Variants in MICAL3 observed in about 807,000 individuals in gnomAD.
MICAL3 encodes [F-actin]-monooxygenase MICAL3.
In MICAL3, 62 loss-of-function variants were observed where a neutral mutation model predicts 207.4. The ratio of observed to expected loss-of-function variants is 0.30; its 90% CI spans 0.24 to 0.37. The LOEUF is 0.37. Ranked by LOEUF, MICAL3 falls within the 10% of genes least tolerant of loss-of-function variation. The pLI is 1.00. For missense variants in MICAL3, 2,368 were observed against 2,635.6 expected (o/e 0.90, Z 2.22); for synonymous variants, 1,077 against 1,069.3 (o/e 1.01, Z -0.14).
At chr22:17,881,662 C>T (rs545735541) in intron 16 of MICAL3, among the ~76,000 whole-genome samples, 1 of 152,308 alleles carries the variant, frequency 6.6e-6, no homozygotes, top group South Asian at 2.1e-4. Context: ...CAGAGACCCC[C>T]TCTCAAGGGC....
chr22:17,861,872 T>C (rs1926550849), intron 19 of MICAL3: 1 of 985,372 alleles, frequency 1.0e-6, no homozygotes, highest in African/African-American at 1.7e-5. Context: ...GACAATACTT[T>C]AAAGCCGACC....
chr22:17,864,007 G>A (rs1043525161), intron 19 of MICAL3: 18 of 985,406 alleles, frequency 1.8e-5, no homozygotes, highest in Admixed American at 6.1e-5. Context: ...ACCCTGGGCC[G>A]TGAACCACCT....
chr22:17,852,662 G>C (rs1359439515), intron 19 of MICAL3, among the ~76,000 whole-genome samples: 1 of 152,206 alleles, frequency 6.6e-6, no homozygotes, highest in Non-Finnish European at 1.5e-5. Context: ...GAGGCTCCTG[G>C]GTCTAACCAG....
chr22:17,964,915 A>G (rs1429966437), intron 1 of MICAL3, among the ~76,000 whole-genome samples: 2 of 152,208 alleles, frequency 1.3e-5, no homozygotes, highest in African/African-American at 2.4e-5. Context: ...CCGTAAGCGC[A>G]CTGCTAAACT....
At chr22:17,997,437 T>A (rs1244093914) in intron 1 of MICAL3, among the ~76,000 whole-genome samples, 2 of 152,190 alleles carry the variant, frequency 1.3e-5, no homozygotes, top group Admixed American at 1.3e-4. Flanking sequence ...TTTTCTAAAG[T>A]AATGACCCCC....
At chr22:17,836,350 G>A (rs890816079) in intron 20 of MICAL3, among the ~76,000 whole-genome samples, 12 of 152,196 alleles carry the variant, frequency 7.9e-5, no homozygotes, top group East Asian at 1.9e-4. Context: ...ACGGGGCTGC[G>A]CTGCTTTTAT....
chr22:17,982,737 T>TAACATAACATA (rs1602344856), intron 1 of MICAL3, among the ~76,000 whole-genome samples: 2 of 103,534 alleles, frequency 1.9e-5, no homozygotes, highest in African/African-American at 4.3e-5. Context: ...AACATAAAAA[T>TAACATAACATA]AAAATAAAAT....
chr22:17,918,979 T>C (rs1262430133), intron 1 of MICAL3, among the ~76,000 whole-genome samples: 1 of 152,138 alleles, frequency 6.6e-6, no homozygotes, highest in East Asian at 1.9e-4. Context: ...TGGACTTCCC[T>C]GGTCACATCG....
At chr22:17,941,889 G>T (rs1218722662) in intron 1 of MICAL3, among the ~76,000 whole-genome samples, 1 of 152,142 alleles carries the variant, frequency 6.6e-6, no homozygotes, top group Admixed American at 6.5e-5. Flanking sequence ...GGGCCCAGGA[G>T]GGGGAAAGCA....
At chr22:17,827,617 C>A in intron 22 of MICAL3, 27 bp downstream of exon 22, 1 of 1,540,436 alleles carries the variant, frequency 6.5e-7, no homozygotes, top group South Asian at 1.2e-5. Flanking sequence ...TCGGGGCACA[C>A]TGCGGCCTGG....
chr22:17,873,163 G>A (rs1165181545), intron 16 of MICAL3, among the ~76,000 whole-genome samples: 5 of 152,252 alleles, frequency 3.3e-5, no homozygotes, highest in African/African-American at 1.2e-4. Context: ...GGTGGTAGAA[G>A]GCAGGGCGAA....
rs62238880 is a variant in MICAL3 at position 17,795,463 on chromosome 22, C to T, written c.5651-4162G>A. ...CAAAAGGAAGAGGCAGGCGCCTGCA[C>T]GGGTAATAATTACAACACGTGTTTC... is the stretch of plus-strand genomic sequence containing the variant. On this transcript the variant is annotated intron_variant, in intron 29 of 31. Transcript: ENST00000441493. Among the ~76,000 whole-genome samples, 348 of 152,274 alleles carry T rather than the reference C, an allele frequency of 2.3e-3. 1 individual carries two copies. Among genetic ancestry groups the T allele is most frequent in the Non-Finnish European group, 3.7e-3 (253 of 68,032 alleles).
At chr22:17,821,311 A>G (rs1441239918) in intron 25 of MICAL3, 116 bp downstream of exon 25, 2 of 812,246 alleles carry the variant, frequency 2.5e-6, no homozygotes, top group Non-Finnish European at 3.8e-6. Context: ...CCAGCAGGCT[A>G]TGTTAGCCCC....
intron 19 of MICAL3, among the ~76,000 whole-genome samples, chr22:17,846,213 A>C (rs1343997929): frequency 6.6e-6 from 1 of 152,152 alleles, no homozygotes; most frequent in Non-Finnish European, 1.5e-5. Flanking sequence ...GTCCACACAG[A>C]GCTCCAGCTC....
chr22:17,831,817 G>C, intron 21 of MICAL3, 37 bp downstream of exon 21: 1 of 1,539,914 alleles, frequency 6.5e-7, no homozygotes, highest in Non-Finnish European at 8.8e-7. Context: ...CACTTTGGGG[G>C]GCAGGGCAGA....
intron 27 of MICAL3, among the ~76,000 whole-genome samples, chr22:17,811,890 G>A (rs920557753): frequency 8.5e-5 from 13 of 152,136 alleles, no homozygotes; most frequent in African/African-American, 2.7e-4. Flanking sequence ...GACTATAGGC[G>A]TGTGCCACCT....
At chr22:17,848,833 T>C (rs1034684169) in intron 19 of MICAL3, among the ~76,000 whole-genome samples, 1 of 152,254 alleles carries the variant, frequency 6.6e-6, no homozygotes, top group African/African-American at 2.4e-5. Context: ...GCCATCAACT[T>C]GGGCTTTTCT....
intron 19 of MICAL3, 51 bp from the exon 20 acceptor site, chr22:17,842,068 C>T (rs1015398043): frequency 1.6e-5 from 24 of 1,531,386 alleles, no homozygotes; most frequent in African/African-American, 2.7e-5. Context: ...ACAGACGGGG[C>T]GTGGGGGTGG....
chr22:17,825,616 A>G (rs572210407), intron 22 of MICAL3, among the ~76,000 whole-genome samples: 2 of 152,246 alleles, frequency 1.3e-5, no homozygotes, highest in East Asian at 3.9e-4. Flanking sequence ...CTGAAGCCCC[A>G]CGAGCTCCCA....
Sources: gnomAD v4.1 joint callset for allele counts (sites outside exome capture counted in the v4.1 genomes callset) on GRCh38, gnomAD v4.1.1 for gene constraint, MANE v1.5 for transcripts, NCBI Gene and HGNC (gene_info 2026-07-23, HGNC 2026-07-21) for gene names.